Variants in CEBPZ observed in about 807,000 individuals in gnomAD.
CEBPZ encodes CCAAT/enhancer-binding protein zeta.
A neutral mutation model predicts 104.5 loss-of-function variants in CEBPZ; 78 were observed. That is an observed-to-expected ratio of 0.75 (90% CI 0.62 to 0.90). The LOEUF is 0.90. Among genes scored for constraint, CEBPZ ranks in the 40% least tolerant of loss-of-function variants. The pLI, the probability that CEBPZ is intolerant of heterozygous loss-of-function variation, is 0.00. For missense variants in CEBPZ, 1,439 were observed against 1,233.5 expected (o/e 1.17, Z -2.50); for synonymous variants, 470 against 427.0 (o/e 1.10, Z -1.24).
intron 13 of CEBPZ, among the ~76,000 whole-genome samples, chr2:37,206,253 C>T (rs775573513): frequency 9.9e-5 from 15 of 152,208 alleles, no homozygotes; most frequent in Non-Finnish European, 2.1e-4. Context: ...TAAAAGGTAT[C>T]CAACAAAACT....
At chr2:37,207,315 C>T (rs1480096464) in intron 13 of CEBPZ, among the ~76,000 whole-genome samples, 1 of 152,134 alleles carries the variant, frequency 6.6e-6, no homozygotes, top group African/African-American at 2.4e-5. Context: ...TAACAGATAC[C>T]TACGGAACAT....
chr2:37,211,865 A>G lies in CEBPZ; in HGVS notation c.2778T>C (p.Asp926=), dbSNP rs777998191. 11 of 1,605,242 alleles carry G rather than the reference A, an allele frequency of 6.9e-6. No individual in the cohort carries two copies. The highest frequency in any genetic ancestry group is 9.3e-6 in the Non-Finnish European group (11 of 1,177,082). The change falls in exon 12 of 16, where the codon GAT becomes GAC. Residue 926 remains aspartate (D), a synonymous_variant. Transcript: ENST00000234170. ...TACCTGGAACGCTCTCACTTTCATC[A>G]TCTAACACATCCATGAATGTTCCTC... ...EDGGTFMDVL[D]DESESVPELE... is the part of the protein sequence containing the mutation.
chr2:37,221,157 A>C (rs901554705), intron 4 of CEBPZ, among the ~76,000 whole-genome samples: 1 of 151,972 alleles, frequency 6.6e-6, no homozygotes, highest in East Asian at 1.9e-4. Flanking sequence ...CGTCTCTACA[A>C]AAAACACAAC....
chr2:37,212,631 G>C, intron 10 of CEBPZ: 1 of 518,454 alleles, frequency 1.9e-6, no homozygotes, highest in Non-Finnish European at 3.4e-6. Context: ...TCTTTCTACA[G>C]TTCTTTTATG....
At position 37,228,092 on chromosome 2, in the gene CEBPZ, G is replaced by A. The variant is rs751175662; in HGVS notation, c.1101C>T (p.Thr367=). ...TLVTTKTRAL[T]VAHELLCNKP... is the part of the protein sequence containing the mutation. ...TGTTACAAAGCAGCTCATGAGCCAC[G>A]GTAAGGGCTCGAGTTTTAGTGGTTA... Residue 367 remains threonine, a synonymous_variant, in exon 2 of 16, where the codon ACC becomes ACT. Coordinates refer to ENST00000234170, the MANE Select transcript of CEBPZ (RefSeq NM_005760.3). 1.7e-5 allele frequency: 28 copies of A among 1,614,020 alleles called. 1 individual carries two copies. Among genetic ancestry groups the A allele is most frequent in the Admixed American group, 1.0e-4 (6 of 60,000 alleles).
At position 37,201,644 on chromosome 2, in the gene CEBPZ, T is replaced by C; in HGVS notation, c.*120A>G. On this transcript the variant is annotated 3_prime_UTR_variant, in exon 16 of 16. Transcript: ENST00000234170. Reference sequence around the variant, plus strand: ...ATGAGAGCTATTTTTATTTATAGTTTATTACAAATCCACTGAGAAGTCTGG... The same window carrying C: ...ATGAGAGCTATTTTTATTTATAGTTCATTACAAATCCACTGAGAAGTCTGG... The C allele has an allele frequency of 1.4e-6, 1 of 732,700 alleles. No individual in the cohort carries two copies. Among genetic ancestry groups the C allele is most frequent in the Non-Finnish European group, 2.4e-6 (1 of 409,188 alleles). The allele number at this position is 732,700 out of a possible 1,614,324, so 45.4% of individuals were successfully genotyped here.
intron 12 of CEBPZ, 106 bp from the exon 13 acceptor site, chr2:37,211,188 C>T (rs1218113479): frequency 4.6e-6 from 3 of 648,500 alleles, no homozygotes; most frequent in Non-Finnish European, 7.7e-6. Context: ...AGGCACTATA[C>T]TGCTATTCCA....
chr2:37,206,604 C>T (rs917670164), intron 13 of CEBPZ, among the ~76,000 whole-genome samples: 5 of 152,170 alleles, frequency 3.3e-5, no homozygotes, highest in South Asian at 4.1e-4. Context: ...GTGATGCCCG[C>T]CTGGGCCTCC....
chr2:37,222,114 C>A (rs1352387797), intron 4 of CEBPZ, among the ~76,000 whole-genome samples: 2 of 152,026 alleles, frequency 1.3e-5, no homozygotes, highest in Middle Eastern at 6.8e-3. Flanking sequence ...TGAAACTCCA[C>A]CTCTACTAAA....
chr2:37,217,913 A>C (rs1242616294), intron 5 of CEBPZ, among the ~76,000 whole-genome samples: 2 of 145,780 alleles, frequency 1.4e-5, no homozygotes, highest in African/African-American at 2.5e-5. Context: ...AAAAAAAAAA[A>C]CAAAAAACAA....
intron 10 of CEBPZ, among the ~76,000 whole-genome samples, chr2:37,212,879 CA>C (rs945484939): frequency 1.4e-4 from 13 of 91,066 alleles, no homozygotes; most frequent in Admixed American, 2.1e-4. Flanking sequence ...AAAAAAAAAA[CA>C]AAAAAAAAAC....
rs763077975 is a variant in CEBPZ at position 37,227,556 on chromosome 2, G to A, written c.1637C>T (p.Thr546Ile). 26 of 1,608,730 alleles carry A rather than the reference G, an allele frequency of 1.6e-5. No individual in the cohort carries two copies. Among genetic ancestry groups the A allele is most frequent in the African/African-American group, 2.7e-5 (2 of 74,812 alleles). The change falls in exon 2 of 16, where the codon ACA (threonine) becomes ATA (isoleucine). Residue 546 changes from threonine to isoleucine, a missense_variant. By Grantham distance (89) the Thr-to-Ile change is moderately conservative. Transcript: ENST00000234170. ...SQQTISDRYY[T>I]ALYRKMLDPG... ...GGTATGTTCTTACCTGTATAATGCT[G>A]TGTAATATCGATCCGATATTGTCTG...
chr2:37,223,651 T>C (rs953688746), intron 2 of CEBPZ, among the ~76,000 whole-genome samples: 9 of 152,218 alleles, frequency 5.9e-5, no homozygotes, highest in South Asian at 2.1e-4. Flanking sequence ...TTTCTTGTCT[T>C]TTCCAAGTGT....
chr2:37,219,063 A>G (rs1664704159), intron 5 of CEBPZ, among the ~76,000 whole-genome samples: 1 of 152,214 alleles, frequency 6.6e-6, no homozygotes, highest in African/African-American at 2.4e-5. Flanking sequence ...TTAAAACTTT[A>G]ATCTTTGCTC....
chr2:37,217,578 A>T (rs1463267841), intron 5 of CEBPZ, among the ~76,000 whole-genome samples: 8 of 152,202 alleles, frequency 5.3e-5, no homozygotes, highest in Admixed American at 2.6e-4. Flanking sequence ...ATAAACAGAA[A>T]AATTGTAAAT....
chr2:37,231,490 G>A lies in CEBPZ; in HGVS notation c.78C>T (p.Asp26=). The part of the protein sequence containing the change: ...WRPEEAVEDP[D]EEDEDNTSEA... ...CACTAGTATTATCCTCATCCTCCTC[G>A]TCCGGATCTTCTACTGCCTCCTCGG... Residue 26 remains aspartate, a synonymous_variant, in exon 1 of 16, where the codon GAC becomes GAT. Transcript: ENST00000234170. 6.2e-7 allele frequency: 1 copy of A among 1,614,206 alleles called. No homozygotes were observed. The highest frequency in any genetic ancestry group is 1.1e-5 in the South Asian group (1 of 91,086).
intron 13 of CEBPZ, 34 bp downstream of exon 13, chr2:37,210,965 C>T: frequency 6.7e-7 from 1 of 1,489,030 alleles, no homozygotes; most frequent in Non-Finnish European, 9.2e-7. Context: ...CACATGGACA[C>T]TGCTTTTAAA....
chr2:37,214,203 A>G (rs558572173), intron 9 of CEBPZ, among the ~76,000 whole-genome samples: 34 of 152,338 alleles, frequency 2.2e-4, no homozygotes, highest in Non-Finnish European at 4.3e-4. Context: ...CTATTCTTAT[A>G]TTAGAATACA....
chr2:37,222,540 A>T lies in CEBPZ; in HGVS notation c.1905T>A (p.Phe635Leu). ...TGTCTTCATCATCATTTGCATCAAT[A>T]AAATTTTCTTCATCATCAGACTCCT... Reference protein sequence around the residue: ...DHPESDDEENFIDANDDEDME... With the variant: ...DHPESDDEENLIDANDDEDME... Residue 635 changes from phenylalanine to leucine, a missense_variant, in exon 4 of 16, where the codon TTT (phenylalanine) becomes TTA (leucine). By Grantham distance (22) the Phe-to-Leu change is conservative. Transcript: ENST00000234170. 1 of 1,587,740 alleles carries T rather than the reference A, an allele frequency of 6.3e-7. No homozygotes were observed. The highest frequency in any genetic ancestry group is 8.5e-7 in the Non-Finnish European group (1 of 1,173,088).
Sources: allele counts gnomAD v4.1 joint callset (sites outside exome capture counted in the v4.1 genomes callset), GRCh38; gene constraint gnomAD v4.1.1; transcripts MANE v1.5; gene names NCBI Gene and HGNC (gene_info 2026-07-23, HGNC 2026-07-21).